Variants in MRPL30 observed in about 807,000 individuals in gnomAD.
The protein encoded by MRPL30 is large ribosomal subunit protein uL30m.
MRPL30 carries 10 observed loss-of-function variants against 17.2 expected under a neutral mutation model. That is an observed-to-expected ratio of 0.58 (90% CI 0.36 to 0.99). The LOEUF (loss-of-function observed/expected upper bound fraction) is 0.99. Among genes scored for constraint, MRPL30 ranks in the 50% least tolerant of loss-of-function variants. The probability of loss-of-function intolerance (pLI) is 0.01; values close to 1 mark genes in which losing one functional copy is unlikely to be tolerated. For synonymous variants in MRPL30, 61 were observed against 62.1 expected, an observed-to-expected ratio of 0.98 and a Z score of 0.08; for missense variants, 170 against 189.8, an observed-to-expected ratio of 0.90 and a Z score of 0.61.
Position 99,199,222 on chromosome 2 carries a change from C to A in MRPL30, c.*3517C>A, listed in dbSNP as rs1317525225. Among the ~76,000 whole-genome samples the A allele has an allele frequency of 6.6e-6, 1 of 152,172 alleles. No individual in the cohort carries two copies. Among genetic ancestry groups the A allele is most frequent in the Non-Finnish European group, 1.5e-5 (1 of 68,036 alleles). The stretch of plus-strand genomic sequence containing the variant: ...AATAAGGACTAGCTTTTTGATCACA[C>A]AGCTTGATAAAATTTTCAAGGGTCC... On this transcript the variant is annotated 3_prime_UTR_variant, in exon 6 of 6. Transcript: ENST00000338148.
rs1380482795 is a variant in MRPL30 at position 99,196,478 on chromosome 2, G to T, written c.*773G>T. ...CACCACATCCAGCTAATTTTTTAAA[G>T]TTTTTTCATAGAGACAGGGACTCAC... On this transcript the variant is annotated 3_prime_UTR_variant, in exon 6 of 6. Coordinates refer to ENST00000338148, the MANE Select transcript of MRPL30 (RefSeq NM_145212.4). 1 of 152,034 alleles carries T rather than the reference G, an allele frequency of 6.6e-6. No individual in the cohort carries two copies. The highest frequency in any genetic ancestry group is 1.5e-5 in the Non-Finnish European group (1 of 68,038). 9.4% of individuals were successfully genotyped at this position (152,034 alleles called of 1,614,324 possible).
intron 3 of MRPL30, 34 bp downstream of exon 3, chr2:99,188,291 G>T (rs373045949): frequency 6.6e-7 from 1 of 1,509,436 alleles, no homozygotes; most frequent in Admixed American, 2.1e-5. Context: ...TAATGTTAGT[G>T]TTGTTTTAAA....
At chr2:99,193,823 G>T (rs2093950867) in intron 3 of MRPL30, among the ~76,000 whole-genome samples, 1 of 152,104 alleles carries the variant, frequency 6.6e-6, no homozygotes, top group Admixed American at 6.6e-5. Context: ...CGGATCACAA[G>T]GTCAGGAGTT....
At chr2:99,195,355 A>T (rs1325630470) in intron 5 of MRPL30, 166 bp downstream of exon 5, 3 of 742,102 alleles carry the variant, frequency 4.0e-6, no homozygotes, top group African/African-American at 3.6e-5. Flanking sequence ...TATGGGGTAC[A>T]TAGTGACGTT....
At position 99,186,188 on chromosome 2, in the gene MRPL30, A is replaced by G; in HGVS notation, c.-16A>G. The G allele has an allele frequency of 6.2e-7, 1 of 1,613,496 alleles. No individual in the cohort carries two copies. Reference sequence around the variant, plus strand: ...CCTACTTCCCACAGCCTCTAAAGAGAGCAATCACTACACTTATGGCTGGGA... The same window carrying G: ...CCTACTTCCCACAGCCTCTAAAGAGGGCAATCACTACACTTATGGCTGGGA... On this transcript the variant is annotated 5_prime_UTR_variant, in exon 2 of 6. Transcript: ENST00000338148.
At chr2:99,184,865 G>A (rs777441094) in intron 1 of MRPL30, among the ~76,000 whole-genome samples, 9 of 152,214 alleles carry the variant, frequency 5.9e-5, no homozygotes, top group Admixed American at 2.0e-4. Flanking sequence ...CCACATCACA[G>A]GAAAGACTTG....
intron 3 of MRPL30, among the ~76,000 whole-genome samples, chr2:99,191,595 A>C (rs1325408919): frequency 1.3e-5 from 2 of 151,992 alleles, no homozygotes; most frequent in African/African-American, 4.8e-5. Flanking sequence ...CAGAGTTCCC[A>C]TATCAGTCCT....
chr2:99,186,107 C>A, intron 1 of MRPL30, 70 bp from the exon 2 acceptor site: 1 of 1,031,782 alleles, frequency 9.7e-7, no homozygotes, highest in Non-Finnish European at 1.5e-6. Flanking sequence ...TTTTTTAATA[C>A]TAGAGAAGGG....
At position 99,197,956 on chromosome 2, in the gene MRPL30, T is replaced by C. The variant is rs1391984296; in HGVS notation, c.*2251T>C. On this transcript the variant is annotated 3_prime_UTR_variant, in exon 6 of 6. Transcript: ENST00000338148. ...ACCATACCTGGCCTTACTGTACTAATATTAATATTGTGTAAATAGGGGAAA... is the reference window on the plus strand; with the variant it reads ...ACCATACCTGGCCTTACTGTACTAACATTAATATTGTGTAAATAGGGGAAA... 6.6e-6 allele frequency among the ~76,000 whole-genome samples: 1 copy of C among 152,196 alleles called. No individual in the cohort carries two copies. Among genetic ancestry groups the C allele is most frequent in the Non-Finnish European group, 1.5e-5 (1 of 68,042 alleles).
At chr2:99,195,346 A>T in intron 5 of MRPL30, 157 bp downstream of exon 5, 1 of 779,920 alleles carries the variant, frequency 1.3e-6, no homozygotes. Flanking sequence ...GTACATATTT[A>T]TGGGGTACAT....
In MRPL30 at chr2:99,182,549, C is replaced by T. The variant is rs148321606; in HGVS notation, c.-28+1300C>T. 5.4e-3 allele frequency among the ~76,000 whole-genome samples: 820 copies of T among 152,238 alleles called. 4 individuals are homozygous for T. Among genetic ancestry groups the T allele is most frequent in the African/African-American group, 0.019 (787 of 41,550 alleles). ...CAGCCTGGGCGACAGAGCGAGACTC[C>T]GTCTCAAAAAAATAAATAAGATAAA... On this transcript the variant is annotated intron_variant, in intron 1 of 5. Transcript: ENST00000338148.
At position 99,195,880 on chromosome 2, in the gene MRPL30, G is replaced by A. The variant is rs570214158; in HGVS notation, c.*175G>A. 173 of 731,654 alleles carry A rather than the reference G, an allele frequency of 2.4e-4. 1 individual carries two copies. The highest frequency in any genetic ancestry group is 4.8e-4 in the African/African-American group (26 of 54,118). The allele number at this position is 731,654 out of a possible 1,614,324, so 45.3% of individuals were successfully genotyped here. On this transcript the variant is annotated 3_prime_UTR_variant, in exon 6 of 6. Transcript: ENST00000338148. ...GCAGATCACCTGAGGTCAAGAGTTC[G>A]AGACCAGCCTGACCAACATGGAGAA...
intron 3 of MRPL30, among the ~76,000 whole-genome samples, chr2:99,193,930 C>T (rs983034534): frequency 6.6e-6 from 1 of 151,194 alleles, no homozygotes; most frequent in Non-Finnish European, 1.5e-5. Context: ...CCCAGCTACT[C>T]GTGAGGCTGA....
chr2:99,191,712 G>A (rs1195033897), intron 3 of MRPL30, among the ~76,000 whole-genome samples: 1 of 152,036 alleles, frequency 6.6e-6, no homozygotes, highest in Admixed American at 6.6e-5. Flanking sequence ...TTTATTCTTA[G>A]GTAAGAGTTT....
chr2:99,188,553 G>A (rs2093938270), intron 3 of MRPL30, among the ~76,000 whole-genome samples: 1 of 152,120 alleles, frequency 6.6e-6, no homozygotes, highest in Non-Finnish European at 1.5e-5. Flanking sequence ...AAAGCAGTGG[G>A]TCTTCCTACT....
chr2:99,183,836 TTCCAGGATCCCA>T, intron 1 of MRPL30, among the ~76,000 whole-genome samples: 1 of 152,304 alleles, frequency 6.6e-6, no homozygotes, highest in Non-Finnish European at 1.5e-5. Context: ...CCTTTTGCTA[TTCCAGGATCCCA>T]TCCAGGATAC....
Position 99,195,816 on chromosome 2 carries a change from G to C in MRPL30, c.*111G>C. ...AACCATTTTCAGGCCGGGCACGGTG[G>C]CTCACCTGTAATCCCAGCACTTTGG... On this transcript the variant is annotated 3_prime_UTR_variant, in exon 6 of 6. Transcript: ENST00000338148. The C allele has an allele frequency of 1.3e-6, 2 of 1,512,882 alleles. No individual in the cohort carries two copies. The highest frequency in any genetic ancestry group is 1.8e-6 in the Non-Finnish European group (2 of 1,122,020). The allele number at this position is 1,512,882 out of a possible 1,614,324, so 93.7% of individuals were successfully genotyped here.
At chr2:99,186,397 A>C in intron 2 of MRPL30, 143 bp downstream of exon 2, 1 of 694,978 alleles carries the variant, frequency 1.4e-6, no homozygotes, top group Non-Finnish European at 2.4e-6. Context: ...CAGTGGCACA[A>C]TCTGGGCTCA....
intron 2 of MRPL30, 120 bp from the exon 3 acceptor site, chr2:99,188,057 G>A (rs1239916154): frequency 1.6e-5 from 11 of 669,792 alleles, no homozygotes; most frequent in South Asian, 2.2e-5. Flanking sequence ...AGGGAGCTAA[G>A]ATATACCTTT....
Sources: gnomAD v4.1 joint callset for allele counts (sites outside exome capture counted in the v4.1 genomes callset) on GRCh38, gnomAD v4.1.1 for gene constraint, MANE v1.5 for transcripts, NCBI Gene and HGNC (gene_info 2026-07-23, HGNC 2026-07-21) for gene names.